The following STPG2 variants were observed in gnomAD, a reference collection of about 807,000 sequenced individuals.
STPG2 encodes the protein sperm-tail PG-rich repeat-containing protein 2.
A neutral mutation model predicts 54.2 loss-of-function variants in STPG2; 56 were observed. The ratio of observed to expected loss-of-function variants is 1.03; its 90% CI spans 0.83 to 1.29. STPG2 has a LOEUF of 1.29. Among genes scored for constraint, STPG2 ranks in the 50% most tolerant of loss-of-function variants. STPG2 has a pLI of 0.00. For missense variants in STPG2, 596 were observed against 544.9 expected, an observed-to-expected ratio of 1.09 and a Z score of -0.93; for synonymous variants, 200 against 181.8, an observed-to-expected ratio of 1.10 and a Z score of -0.81.
At chr4:97,902,889 C>T (rs1200722522) in intron 8 of STPG2, among the ~76,000 whole-genome samples, 1 of 152,034 alleles carries the variant, frequency 6.6e-6, no homozygotes, top group Non-Finnish European at 1.5e-5. Flanking sequence ...GATATGAAAT[C>T]AACATAAGTG....
chr4:97,741,908 T>C (rs1039427039), intron 9 of STPG2, among the ~76,000 whole-genome samples: 4 of 152,124 alleles, frequency 2.6e-5, no homozygotes, highest in Admixed American at 1.3e-4. Context: ...TAAAGACACA[T>C]GCACACGTAT....
intron 10 of STPG2, among the ~76,000 whole-genome samples, chr4:97,574,668 G>C (rs555336346): frequency 2.0e-5 from 3 of 152,104 alleles, no homozygotes; most frequent in African/African-American, 7.2e-5. Context: ...CAGGGTGAAA[G>C]GGGCTGGTAG....
chr4:97,755,547 G>A (rs1007208127), intron 9 of STPG2, among the ~76,000 whole-genome samples: 6 of 152,082 alleles, frequency 3.9e-5, no homozygotes, highest in Non-Finnish European at 7.4e-5. Flanking sequence ...AAGCAAAGAT[G>A]TACTTCATAC....
At position 97,574,001 on chromosome 4, in the gene STPG2, C is replaced by G. The variant is rs577944932; in HGVS notation, c.1321-14884G>C. On this transcript the variant is annotated intron_variant, in intron 10 of 10. Coordinates refer to ENST00000295268, the MANE Select transcript of STPG2 (RefSeq NM_174952.3). ...TGAAGGAATTGTTAACAGGACCCCT[C>G]TAGGATTCAACAAGTTTTCTTACGG... 5.9e-4 allele frequency among the ~76,000 whole-genome samples: 90 copies of G among 152,144 alleles called. No homozygotes were observed. In the South Asian group the frequency reaches 0.017, roughly 29 times the overall value.
chr4:97,924,299 A>G (rs1732252471), intron 8 of STPG2, among the ~76,000 whole-genome samples: 1 of 152,234 alleles, frequency 6.6e-6, no homozygotes, highest in Non-Finnish European at 1.5e-5. Flanking sequence ...AATTCCAGAC[A>G]CAATAGGATG....
chr4:97,943,880 T>C lies in STPG2; in HGVS notation c.1044+17A>G, dbSNP rs376961745. On this transcript the variant is annotated intron_variant, in intron 8 of 10. Coordinates refer to ENST00000295268, the MANE Select transcript of STPG2 (RefSeq NM_174952.3). ...TTTCTAGATAATGAAAATATTTGAT[T>C]GTAGGAGTATTCTTACCATATCTGG... The C allele has an allele frequency of 1.3e-5, 19 of 1,475,594 alleles. No homozygotes were observed. The African/African-American group carries it at 2.6e-4, about 20-fold the overall frequency. 91.4% of individuals were successfully genotyped at this position (1,475,594 alleles called of 1,614,324 possible). A position where few individuals can be genotyped will look rare whatever the true frequency, so the allele number is the denominator to read the frequency against.
intron 8 of STPG2, among the ~76,000 whole-genome samples, chr4:97,924,769 G>A (rs1732272106): frequency 6.6e-6 from 1 of 152,116 alleles, no homozygotes; most frequent in Admixed American, 6.5e-5. Context: ...ATATGTAGAG[G>A]TAGTAGATAA....
intron 4 of STPG2, among the ~76,000 whole-genome samples, chr4:97,456,656 G>A (rs1197840420): frequency 6.6e-6 from 1 of 152,114 alleles, no homozygotes; most frequent in African/African-American, 2.4e-5. Context: ...AGCACTTTGG[G>A]AGGCTGAGGC....
intron 5 of STPG2, among the ~76,000 whole-genome samples, chr4:98,025,013 T>G (rs1239799353): frequency 2.6e-5 from 4 of 152,182 alleles, no homozygotes; most frequent in Non-Finnish European, 1.5e-5. Flanking sequence ...CTACTGCAAA[T>G]GTAATTACCC....
At chr4:98,011,412 A>C (rs1271354834) in intron 5 of STPG2, among the ~76,000 whole-genome samples, 1 of 152,178 alleles carries the variant, frequency 6.6e-6, no homozygotes, top group East Asian at 1.9e-4. Flanking sequence ...ATACTGCTGC[A>C]GTAAATATAT....
intron 8 of STPG2, among the ~76,000 whole-genome samples, chr4:97,873,142 C>G (rs1025075167): frequency 6.6e-6 from 1 of 151,102 alleles, no homozygotes; most frequent in Non-Finnish European, 1.5e-5. Context: ...CAAATTATAT[C>G]TCCAATTTCA....
intron 3 of STPG2, among the ~76,000 whole-genome samples, chr4:98,110,999 A>G (rs1344365801): frequency 6.6e-6 from 1 of 152,178 alleles, no homozygotes; most frequent in African/African-American, 2.4e-5. Flanking sequence ...AATAGACACA[A>G]GTAAGTGCTA....
chr4:97,666,379 C>T (rs1037387307), intron 10 of STPG2, among the ~76,000 whole-genome samples: 1 of 152,158 alleles, frequency 6.6e-6, no homozygotes, highest in Non-Finnish European at 1.5e-5. Flanking sequence ...TGCAATGTTA[C>T]CATGCAACTC....
At chr4:97,813,779 A>AT in intron 9 of STPG2, among the ~76,000 whole-genome samples, 1 of 148,528 alleles carries the variant, frequency 6.7e-6, no homozygotes, top group Non-Finnish European at 1.5e-5. Flanking sequence ...TATTTAATAT[A>AT]TTTTTAACTT....
chr4:97,948,838 G>A (rs953720190), intron 7 of STPG2, among the ~76,000 whole-genome samples: 2 of 151,974 alleles, frequency 1.3e-5, no homozygotes, highest in Non-Finnish European at 2.9e-5. Flanking sequence ...TGTCATATAG[G>A]TCTATCATGG....
chr4:98,028,983 T>C (rs1006058322), intron 5 of STPG2, among the ~76,000 whole-genome samples: 5 of 152,156 alleles, frequency 3.3e-5, no homozygotes, highest in African/African-American at 1.2e-4. Context: ...TTCCAAATTA[T>C]AATAATTTTC....
chr4:97,625,146 T>C (rs943316964), intron 10 of STPG2, among the ~76,000 whole-genome samples: 2 of 152,230 alleles, frequency 1.3e-5, no homozygotes, highest in African/African-American at 4.8e-5. Flanking sequence ...CTGAGATATT[T>C]TGTAATGGTA....
chr4:97,849,239 G>T (rs1488154514), intron 8 of STPG2, among the ~76,000 whole-genome samples: 1 of 150,982 alleles, frequency 6.6e-6, no homozygotes, highest in African/African-American at 2.4e-5. Flanking sequence ...TGGATTCCTA[G>T]GTATTTTATT....
intron 10 of STPG2, among the ~76,000 whole-genome samples, chr4:97,669,085 A>G (rs1722619768): frequency 6.6e-6 from 1 of 152,072 alleles, no homozygotes; most frequent in Non-Finnish European, 1.5e-5. Flanking sequence ...GAAACAAGGG[A>G]AGAAAATGTA....
Sources: gnomAD v4.1 joint callset for allele counts (sites outside exome capture counted in the v4.1 genomes callset) on GRCh38, gnomAD v4.1.1 for gene constraint, MANE v1.5 for transcripts, NCBI Gene and HGNC (gene_info 2026-07-23, HGNC 2026-07-21) for gene names.